PDILT: variants seen among roughly 807,000 people sequenced by gnomAD.
PDILT encodes protein disulfide isomerase like, testis expressed, also known as protein disulfide-isomerase-like protein of the testis.
A neutral mutation model predicts 53.7 loss-of-function variants in PDILT; 43 were observed. The observed-to-expected ratio is 0.80, with a 90% CI of 0.63 to 1.03. The LOEUF (loss-of-function observed/expected upper bound fraction) is 1.03, where lower values mean the gene tolerates loss of function less well. Ranked by LOEUF, PDILT falls within the 50% of genes least tolerant of loss-of-function variation. The probability of loss-of-function intolerance (pLI) is 0.00; values close to 1 mark genes in which losing one functional copy is unlikely to be tolerated. For synonymous variants in PDILT, 282 were observed against 274.2 expected (o/e 1.03, Z -0.28); for missense variants, 727 against 712.3 (o/e 1.02, Z -0.24).
chr16:20,379,537 A>T (rs1370553805), intron 3 of PDILT, among the ~76,000 whole-genome samples: 1 of 151,328 alleles, frequency 6.6e-6, no homozygotes, highest in African/African-American at 2.4e-5. Context: ...CCAGTCTCGA[A>T]CTCCTGGGCT....
intron 3 of PDILT, among the ~76,000 whole-genome samples, chr16:20,383,494 C>G (rs1966490089): frequency 6.6e-6 from 1 of 150,928 alleles, no homozygotes; most frequent in African/African-American, 2.4e-5. Flanking sequence ...TCCCACAAGC[C>G]TGCTGGGAGC....
intron 3 of PDILT, among the ~76,000 whole-genome samples, chr16:20,380,215 C>T (rs1966443882): frequency 6.6e-6 from 1 of 152,228 alleles, no homozygotes; most frequent in Admixed American, 6.5e-5. Context: ...CTGCCCTTTC[C>T]TCAGCTCTTC....
At chr16:20,400,986 A>G (rs575534001) in intron 1 of PDILT, among the ~76,000 whole-genome samples, 2 of 152,294 alleles carry the variant, frequency 1.3e-5, no homozygotes, top group South Asian at 4.1e-4. Flanking sequence ...ATGAATTGTC[A>G]TTGCTTGTTT....
chr16:20,377,260 G>A (rs1209996990), intron 3 of PDILT, among the ~76,000 whole-genome samples: 2 of 152,190 alleles, frequency 1.3e-5, no homozygotes, highest in African/African-American at 4.8e-5. Context: ...GAGACAGAGT[G>A]AGACCTTGTC....
intron 2 of PDILT, among the ~76,000 whole-genome samples, chr16:20,393,319 C>T (rs1420171622): frequency 6.6e-6 from 1 of 152,196 alleles, no homozygotes; most frequent in African/African-American, 2.4e-5. Context: ...CTGGATTTCT[C>T]TTACAAGGTA....
At chr16:20,362,645 C>T in intron 9 of PDILT, 63 bp from the exon 10 acceptor site, 3 of 1,526,074 alleles carry the variant, frequency 2.0e-6, no homozygotes, top group Non-Finnish European at 2.7e-6. Context: ...TGGCGCCACC[C>T]TACACATGGC....
chr16:20,374,831 C>T lies in PDILT; in HGVS notation c.672G>A (p.Val224=). The change falls in exon 5 of 12, where the codon GTG becomes GTA. Residue 224 remains valine, a synonymous_variant. Transcript: ENST00000302451. ...AGGATCAAAATCCTACCTTTTTGAA[C>T]ACCAGGACGCTGTCAAGGGTGACGT... is the stretch of plus-strand genomic sequence containing the variant. ...RFHVTLDSVL[V]FKKGKIVNRQ... is the part of the protein sequence containing the mutation. 9.9e-6 allele frequency: 16 copies of T among 1,612,478 alleles called. No homozygotes were observed. The highest frequency in any genetic ancestry group is 1.3e-5 in the African/African-American group (1 of 74,948).
chr16:20,363,260 T>C (rs2141699866), intron 9 of PDILT, among the ~76,000 whole-genome samples: 1 of 152,256 alleles, frequency 6.6e-6, no homozygotes, highest in Non-Finnish European at 1.5e-5. Context: ...AAACTCAAAC[T>C]CCTGGGCTCA....
At chr16:20,365,808 C>T (rs1222745966) in intron 8 of PDILT, among the ~76,000 whole-genome samples, 2 of 151,120 alleles carry the variant, frequency 1.3e-5, no homozygotes, top group Non-Finnish European at 2.9e-5. Flanking sequence ...TTAAGCCGGG[C>T]GCGGTGGCTC....
Position 20,399,161 on chromosome 16 carries a change from A to G in PDILT, c.140T>C (p.Val47Ala). Residue 47 changes from valine (V) to alanine (A), a missense_variant, in exon 2 of 12, where the codon GTG (valine) becomes GCG (alanine). By Grantham distance (64) the Val-to-Ala change is moderately conservative. Coordinates refer to ENST00000302451, the MANE Select transcript of PDILT (RefSeq NM_174924.2). ...CTGGGTCAGGCCAGCGGGCGTTAGC[A>G]CTAGGAGACTGCGTTCCTCCAGGAT... is the stretch of plus-strand genomic sequence containing the variant. ...VHILEERSLL[V>A]LTPAGLTQML... 3 of 1,614,200 alleles carry G rather than the reference A, an allele frequency of 1.9e-6. No homozygotes were observed. Among genetic ancestry groups the G allele is most frequent in the Non-Finnish European group, 2.5e-6 (3 of 1,180,036 alleles).
rs750762171 is a variant in PDILT, at chr16:20,360,572, T to C, written c.1502A>G (p.Asp501Gly). Residue 501 changes from aspartate to glycine, a missense_variant, in exon 11 of 12, where the codon GAT becomes GGT. Coordinates refer to ENST00000302451, the MANE Select transcript of PDILT (RefSeq NM_174924.2). ...AGTATTTCTGTTGCCCCTTACCTCA[T>C]CCTCATCCTCAATCTTAGTTTTGAT... ...SHIKTKIEDE[D>G]ELLSVEQNEV... The C allele has an allele frequency of 6.2e-7, 1 of 1,612,840 alleles. No homozygotes were observed. Among genetic ancestry groups the C allele is most frequent in the South Asian group, 1.1e-5 (1 of 91,036 alleles).
At chr16:20,395,856 C>T (rs181016758) in intron 2 of PDILT, among the ~76,000 whole-genome samples, 72 of 152,312 alleles carry the variant, frequency 4.7e-4, no homozygotes, top group Non-Finnish European at 8.1e-4. Context: ...ACACCAGCTC[C>T]CCCTTCACCT....
intron 2 of PDILT, 94 bp downstream of exon 2, chr16:20,399,005 T>C (rs1966695442): frequency 8.0e-7 from 1 of 1,256,338 alleles, no homozygotes; most frequent in African/African-American, 1.5e-5. Context: ...TGTTCTTATG[T>C]GTTTAGCAAT....
chr16:20,395,259 A>G (rs1179228395), intron 2 of PDILT, among the ~76,000 whole-genome samples: 1 of 152,210 alleles, frequency 6.6e-6, no homozygotes, highest in East Asian at 1.9e-4. Flanking sequence ...CAGACTTCTC[A>G]GTTAGAAACA....
chr16:20,384,798 C>T lies in PDILT; in HGVS notation c.256G>A (p.Val86Met), dbSNP rs1299967838. The T allele has an allele frequency of 2.5e-6, 4 of 1,614,226 alleles. No individual in the cohort carries two copies. Among genetic ancestry groups the T allele is most frequent in the Non-Finnish European group, 3.4e-6 (4 of 1,180,048 alleles). The change falls in exon 3 of 12, where the codon GTG (valine) becomes ATG (methionine). Residue 86 changes from valine (V) to methionine (M), a missense_variant. Physicochemically the swap from Val to Met is conservative, Grantham distance 21. Coordinates refer to ENST00000302451, the MANE Select transcript of PDILT (RefSeq NM_174924.2). ...RNLAEELGKA[V>M]EIMGKGKNGI... is the part of the protein sequence containing the mutation. ...TTCTTGCCTTTGCCCATGATCTCCA[C>T]AGCTTTGCCCAGCTCTTCCGCCAAG...
chr16:20,368,193 A>G (rs1009493316), intron 8 of PDILT, among the ~76,000 whole-genome samples: 2 of 152,106 alleles, frequency 1.3e-5, no homozygotes, highest in Non-Finnish European at 1.5e-5. Context: ...CAGCTATTGG[A>G]GAAGAGAGAC....
At chr16:20,392,171 G>A (rs1204072661) in intron 2 of PDILT, among the ~76,000 whole-genome samples, 3 of 152,124 alleles carry the variant, frequency 2.0e-5, no homozygotes, top group Admixed American at 6.5e-5. Flanking sequence ...TCCACAGGAC[G>A]TGGTGATGGA....
intron 5 of PDILT, 25 bp from the exon 6 acceptor site, chr16:20,373,147 G>A (rs375344576): frequency 2.5e-6 from 4 of 1,576,950 alleles, no homozygotes; most frequent in East Asian, 2.2e-5. Flanking sequence ...GAAACATATT[G>A]GAGGACAGTA....
intron 7 of PDILT, among the ~76,000 whole-genome samples, chr16:20,372,288 C>A (rs1037530516): frequency 6.6e-6 from 1 of 152,202 alleles, no homozygotes; most frequent in African/African-American, 2.4e-5. Context: ...AGAAACTCAC[C>A]TAAGACAGTG....
Sources: gnomAD v4.1 joint callset for allele counts (sites outside exome capture counted in the v4.1 genomes callset) on GRCh38, gnomAD v4.1.1 for gene constraint, MANE v1.5 for transcripts, NCBI Gene and HGNC (gene_info 2026-07-23, HGNC 2026-07-21) for gene names.